Variants in GCA observed in about 807,000 individuals in gnomAD.
GCA encodes grancalcin.
In GCA, 30 loss-of-function variants were observed where a neutral mutation model predicts 32.6. That is an observed-to-expected ratio of 0.92 (90% CI 0.69 to 1.25). GCA has a LOEUF of 1.25. Among genes scored for constraint, GCA ranks in the 50% most tolerant of loss-of-function variants. GCA has a pLI of 0.00. For missense variants in GCA, 291 were observed against 266.8 expected (o/e 1.09, Z -0.63); for synonymous variants, 102 against 84.6 (o/e 1.21, Z -1.13).
intron 1 of GCA, among the ~76,000 whole-genome samples, chr2:162,323,891 G>T (rs1440119925): frequency 1.3e-5 from 2 of 149,990 alleles, no homozygotes; most frequent in Non-Finnish European, 2.9e-5. Context: ...TGGCGATGCG[G>T]GCTCTTTTTT....
downstream of GCA, chr2:162,373,718 A>C (rs542532979): frequency 2.4e-6 from 3 of 1,272,684 alleles, no homozygotes; most frequent in East Asian, 8.6e-5. Context: ...GAATTTCAGG[A>C]GCATTTAAAA....
Position 162,323,347 on chromosome 2 carries a change from A to G in GCA, c.-31+4122A>G, listed in dbSNP as rs201185064. Among the ~76,000 whole-genome samples the G allele has an allele frequency of 1.8e-3, 280 of 151,706 alleles. 5 individuals carry two copies. In the East Asian group the frequency reaches 0.052, roughly 28 times the overall value. ...GAGTAGGTTGCGAAAATTTTCTCCC[A>G]TTTTGTAGGTTGCCTGTTCACTCTA... is the stretch of plus-strand genomic sequence containing the variant. On this transcript the variant is annotated intron_variant, in intron 1 of 4. Transcript: ENST00000429691.
chr2:162,320,349 T>C (rs1166893747), intron 1 of GCA, among the ~76,000 whole-genome samples: 1 of 152,230 alleles, frequency 6.6e-6, no homozygotes, highest in East Asian at 1.9e-4. Context: ...ATTGGGTCTA[T>C]GAAAATATCT....
intron 1 of GCA, among the ~76,000 whole-genome samples, chr2:162,345,134 G>GGTGGTGGTGGTGGTTGTGGTT (rs1404529265): frequency 6.7e-6 from 1 of 149,352 alleles, no homozygotes; most frequent in Non-Finnish European, 1.5e-5. Context: ...TGGTGGTGGT[G>GGTGGTGGTGGTGGTTGTGGTT]GTTGTGGTTG....
upstream of GCA, among the ~76,000 whole-genome samples, chr2:162,342,957 T>C (rs1304054243): frequency 6.6e-6 from 1 of 152,228 alleles, no homozygotes; most frequent in Non-Finnish European, 1.5e-5. Context: ...AAGTATTTCT[T>C]ACAGCATTGA....
At chr2:162,328,991 T>C (rs1683984339) in intron 1 of GCA, among the ~76,000 whole-genome samples, 1 of 152,200 alleles carries the variant, frequency 6.6e-6, no homozygotes, top group Admixed American at 6.5e-5. Flanking sequence ...CCTGGCAGCA[T>C]TCTGGTGCCT....
intron 2 of GCA, among the ~76,000 whole-genome samples, chr2:162,351,117 G>T (rs559483526): frequency 6.6e-6 from 1 of 152,230 alleles, no homozygotes; most frequent in Non-Finnish European, 1.5e-5. Context: ...AAACAGTAAG[G>T]ATTAAATCAT....
Position 162,347,695 on chromosome 2 carries a change from T to C in GCA, c.145T>C (p.Ser49Pro). 1 of 1,607,118 alleles carries C rather than the reference T, an allele frequency of 6.2e-7. No homozygotes were observed. The highest frequency in any genetic ancestry group is 8.5e-7 in the Non-Finnish European group (1 of 1,175,586). ...GCCAGCATATTCAGACACTTATTCC[T>C]CAGCTGGTGACTCCGTGTATACTTA... ...SGPAYSDTYS[S>P]AGDSVYTYFS... Residue 49 changes from serine to proline, a missense_variant, in exon 2 of 8, where the codon TCA becomes CCA. Coordinates refer to ENST00000437150, the MANE Select transcript of GCA (RefSeq NM_012198.5).
At chr2:162,359,645 TA>T (rs1685472689) in intron 7 of GCA, 93 bp downstream of exon 7, 2 of 587,488 alleles carry the variant, frequency 3.4e-6, no homozygotes, top group Non-Finnish European at 6.2e-6. Flanking sequence ...GTACTGGAAA[TA>T]ATATATTTGG....
intron 3 of GCA, among the ~76,000 whole-genome samples, chr2:162,355,587 A>G (rs1219965157): frequency 6.6e-6 from 1 of 152,060 alleles, no homozygotes; most frequent in Non-Finnish European, 1.5e-5. Context: ...TCAGCATACA[A>G]ATTGAATGTA....
At chr2:162,321,121 C>G (rs1275631534) in intron 1 of GCA, among the ~76,000 whole-genome samples, 6 of 152,140 alleles carry the variant, frequency 3.9e-5, no homozygotes, top group African/African-American at 1.4e-4. Context: ...GTTAAGGAAA[C>G]AAAAGCCAAG....
At chr2:162,332,337 AT>A (rs1291478355) in intron 1 of GCA, among the ~76,000 whole-genome samples, 16 of 145,708 alleles carry the variant, frequency 1.1e-4, no homozygotes, top group African/African-American at 3.7e-4. Flanking sequence ...ATATATATAT[AT>A]AATATATAAT....
intron 4 of GCA, among the ~76,000 whole-genome samples, chr2:162,370,170 G>T (rs1432471143): frequency 6.6e-6 from 1 of 152,152 alleles, no homozygotes; most frequent in Non-Finnish European, 1.5e-5. Flanking sequence ...GAAATAGCTT[G>T]CATTTGAAGC....
intron 3 of GCA, among the ~76,000 whole-genome samples, chr2:162,356,168 A>G (rs1377796618): frequency 2.0e-5 from 3 of 152,044 alleles, no homozygotes; most frequent in Admixed American, 6.6e-5. Context: ...AGTGCTTTAC[A>G]TACCTGGAAT....
intron 1 of GCA, among the ~76,000 whole-genome samples, chr2:162,326,206 A>G (rs1411588026): frequency 1.3e-5 from 2 of 152,226 alleles, no homozygotes; most frequent in African/African-American, 4.8e-5. Context: ...CTTACAAGGT[A>G]TAGAAAGCTT....
chr2:162,365,730 A>C (rs1447863498), downstream of GCA, among the ~76,000 whole-genome samples: 2 of 151,690 alleles, frequency 1.3e-5, no homozygotes, highest in Admixed American at 1.3e-4. Flanking sequence ...TCAGCTAAAA[A>C]GCGTTAATGT....
chr2:162,360,748 A>G lies in GCA; in HGVS notation c.*505A>G. On this transcript the variant is annotated 3_prime_UTR_variant, in exon 8 of 8. Coordinates refer to ENST00000437150, the MANE Select transcript of GCA (RefSeq NM_012198.5). ...TTGTTCCTTGATCAAATAATCAGAG[A>G]AAAGAAACTTAAAGATCTTTGTCTG... 7.2e-7 allele frequency: 1 copy of G among 1,395,744 alleles called. No individual in the cohort carries two copies. The highest frequency in any genetic ancestry group is 1.5e-5 in the African/African-American group (1 of 67,560). The allele number at this position is 1,395,744 out of a possible 1,614,324, so 86.5% of individuals were successfully genotyped here. A position where few individuals can be genotyped will look rare whatever the true frequency, so the allele number is the denominator to read the frequency against.
chr2:162,347,523 C>G, intron 1 of GCA, 55 bp from the exon 2 acceptor site: 1 of 1,090,944 alleles, frequency 9.2e-7, no homozygotes, highest in Non-Finnish European at 1.3e-6. Context: ...ATCCAACTTT[C>G]ATAGATAATA....
At chr2:162,324,413 G>T (rs919493661) in intron 1 of GCA, among the ~76,000 whole-genome samples, 1 of 152,180 alleles carries the variant, frequency 6.6e-6, no homozygotes, top group African/African-American at 2.4e-5. Flanking sequence ...CCCCTCAACT[G>T]CCCCAGCCAA....
Sources: gnomAD v4.1 joint callset for allele counts (sites outside exome capture counted in the v4.1 genomes callset) on GRCh38, gnomAD v4.1.1 for gene constraint, MANE v1.5 for transcripts, NCBI Gene and HGNC (gene_info 2026-07-23, HGNC 2026-07-21) for gene names.